The following TLL1 variants were observed in gnomAD, a reference collection of about 807,000 sequenced individuals.
TLL1 encodes tolloid-like protein 1.
Under a neutral mutation model 128.2 loss-of-function variants are expected in TLL1, and 49 were observed. The observed-to-expected ratio is 0.38, with a 90% CI of 0.30 to 0.48. The LOEUF (loss-of-function observed/expected upper bound fraction) is 0.48. Among genes scored for constraint, TLL1 ranks in the 20% least tolerant of loss-of-function variants. The pLI is 0.96. For missense variants in TLL1, 1,123 were observed against 1,242.0 expected, an observed-to-expected ratio of 0.90 and a Z score of 1.44; for synonymous variants, 454 against 418.8, an observed-to-expected ratio of 1.08 and a Z score of -1.03.
chr4:165,990,573 G>T (rs1202289040), intron 2 of TLL1, among the ~76,000 whole-genome samples: 1 of 151,820 alleles, frequency 6.6e-6, no homozygotes, highest in Non-Finnish European at 1.5e-5. Flanking sequence ...AACAGTTTAT[G>T]ATTTTCACTG....
At chr4:165,931,698 G>C (rs1005369177) in intron 1 of TLL1, among the ~76,000 whole-genome samples, 6 of 143,298 alleles carry the variant, frequency 4.2e-5, no homozygotes, top group East Asian at 2.1e-4. Flanking sequence ...CAGCCTGGGC[G>C]ACAGAGTAAG....
chr4:166,070,619 G>A (rs1740770268), intron 16 of TLL1, among the ~76,000 whole-genome samples: 1 of 151,838 alleles, frequency 6.6e-6, no homozygotes, highest in Non-Finnish European at 1.5e-5. Context: ...GACAGAAACG[G>A]ACTAAAACTC....
At chr4:165,956,779 A>G (rs1435931283) in intron 1 of TLL1, among the ~76,000 whole-genome samples, 1 of 152,216 alleles carries the variant, frequency 6.6e-6, no homozygotes, top group Admixed American at 6.5e-5. Flanking sequence ...AGAAATTATA[A>G]AAGTATAATT....
chr4:165,983,576 ATT>A (rs1012656093), intron 1 of TLL1, among the ~76,000 whole-genome samples: 1 of 151,756 alleles, frequency 6.6e-6, no homozygotes, highest in African/African-American at 2.4e-5. Flanking sequence ...ATGTATATAG[ATT>A]TGTTTGTCTT....
intron 1 of TLL1, among the ~76,000 whole-genome samples, chr4:165,956,849 G>T (rs976915453): frequency 2.0e-5 from 3 of 152,020 alleles, no homozygotes; most frequent in African/African-American, 7.2e-5. Context: ...TGTGGCTCCA[G>T]CCGGTCCCTC....
intron 1 of TLL1, among the ~76,000 whole-genome samples, chr4:165,882,807 G>A (rs1236908237): frequency 1.3e-5 from 2 of 151,776 alleles, no homozygotes; most frequent in Non-Finnish European, 2.9e-5. Flanking sequence ...TAGTAGAGAC[G>A]GGGTTTCTCC....
chr4:166,078,360 G>T (rs1367754036), intron 18 of TLL1, among the ~76,000 whole-genome samples: 1 of 152,104 alleles, frequency 6.6e-6, no homozygotes, highest in South Asian at 2.1e-4. Context: ...CAAAAAAATC[G>T]GAATTTGCCA....
chr4:165,997,185 C>G (rs1343599675), intron 5 of TLL1, among the ~76,000 whole-genome samples: 1 of 152,088 alleles, frequency 6.6e-6, no homozygotes, highest in African/African-American at 2.4e-5. Context: ...TCACTTAAAT[C>G]TCATAAAAAT....
chr4:166,104,134 A>G lies in TLL1; in HGVS notation c.*3258A>G, dbSNP rs1373248637. ...TGGTCTCTTTTATTTGGTTTGTAAT[A>G]CTGCTGTATTTTTGGTGGTAAGCTT... On this transcript the variant is annotated 3_prime_UTR_variant, in exon 21 of 21. Transcript: ENST00000061240. Among the ~76,000 whole-genome samples the G allele has an allele frequency of 6.6e-6, 1 of 151,884 alleles. No homozygotes were observed. Among genetic ancestry groups the G allele is most frequent in the Non-Finnish European group, 1.5e-5 (1 of 67,884 alleles).
At chr4:166,009,062 C>T (rs183511940) in intron 7 of TLL1, among the ~76,000 whole-genome samples, 1 of 151,314 alleles carries the variant, frequency 6.6e-6, no homozygotes, top group Non-Finnish European at 1.5e-5. Context: ...TTCTAAAGTA[C>T]ATTATTTATA....
intron 1 of TLL1, among the ~76,000 whole-genome samples, chr4:165,958,216 G>T (rs1734906058): frequency 7.0e-6 from 1 of 142,834 alleles, no homozygotes; most frequent in Admixed American, 7.0e-5. Flanking sequence ...AGTCCTTTGG[G>T]TATATACCCA....
chr4:165,924,633 A>T (rs1733186978), intron 1 of TLL1, among the ~76,000 whole-genome samples: 1 of 152,222 alleles, frequency 6.6e-6, no homozygotes, highest in Non-Finnish European at 1.5e-5. Context: ...GCAGCAAGTT[A>T]TTCAGAAAAT....
At chr4:165,961,077 A>G (rs1735076144) in intron 1 of TLL1, among the ~76,000 whole-genome samples, 1 of 152,102 alleles carries the variant, frequency 6.6e-6, no homozygotes, top group Admixed American at 6.6e-5. Flanking sequence ...GACCCTAAAG[A>G]TCCCACCAAA....
In TLL1 at chr4:166,020,449, A is replaced by T. The variant is rs74885524; in HGVS notation, c.1043-4867A>T. Among the ~76,000 whole-genome samples the T allele has an allele frequency of 5.1e-3, 774 of 152,300 alleles. 2 individuals are homozygous for T. Among genetic ancestry groups the T allele is most frequent in the African/African-American group, 0.018 (732 of 41,568 alleles). On this transcript the variant is annotated intron_variant, in intron 8 of 20. Coordinates refer to ENST00000061240, the MANE Select transcript of TLL1 (RefSeq NM_012464.5). ...CCCAATAATTAGCAGTTTATTTGTG[A>T]AGGAGATCATTTCTAAGGTATACGA...
intron 8 of TLL1, among the ~76,000 whole-genome samples, chr4:166,018,742 A>T (rs1738068088): frequency 6.6e-6 from 1 of 151,526 alleles, no homozygotes; most frequent in Non-Finnish European, 1.5e-5. Flanking sequence ...TGCAAATCCA[A>T]ACTACAATGA....
chr4:166,082,088 C>T (rs1741309614), intron 18 of TLL1, among the ~76,000 whole-genome samples: 1 of 152,088 alleles, frequency 6.6e-6, no homozygotes, highest in African/African-American at 2.4e-5. Flanking sequence ...CAGTATTAAA[C>T]TTTATTTTAG....
intron 19 of TLL1, among the ~76,000 whole-genome samples, chr4:166,092,045 AGTATATCAGTTAAATGT>A: frequency 6.6e-6 from 1 of 151,828 alleles, no homozygotes; most frequent in East Asian, 1.9e-4. Context: ...CAGTTAAGAC[AGTATATCAGTTAAATGT>A]ATATTAGCTA....
chr4:166,046,101 GTC>G (rs1171002896), intron 12 of TLL1, among the ~76,000 whole-genome samples: 1 of 152,090 alleles, frequency 6.6e-6, no homozygotes, highest in Non-Finnish European at 1.5e-5. Context: ...TTTTACCTGT[GTC>G]TCTGATCATT....
At chr4:166,059,186 A>G (rs1191510409) in intron 14 of TLL1, among the ~76,000 whole-genome samples, 1 of 151,824 alleles carries the variant, frequency 6.6e-6, no homozygotes, top group Admixed American at 6.6e-5. Context: ...ACTTATAAAT[A>G]TAGCATATAT....
Sources: allele counts gnomAD v4.1 joint callset (sites outside exome capture counted in the v4.1 genomes callset), GRCh38; gene constraint gnomAD v4.1.1; transcripts MANE v1.5; gene names NCBI Gene and HGNC (gene_info 2026-07-23, HGNC 2026-07-21).